STAU2: variants seen among roughly 807,000 people sequenced by gnomAD.
The protein encoded by STAU2 is staufen double-stranded RNA binding protein 2.
STAU2 carries 20 observed loss-of-function variants against 65.9 expected under a neutral mutation model. The ratio of observed to expected loss-of-function variants is 0.30; its 90% CI spans 0.21 to 0.44. The LOEUF (loss-of-function observed/expected upper bound fraction) is 0.44, where lower values mean the gene tolerates loss of function less well. Ranked by LOEUF, STAU2 falls within the 20% of genes least tolerant of loss-of-function variation. The pLI, the probability that STAU2 is intolerant of heterozygous loss-of-function variation, is 1.00. For missense variants in STAU2, 558 were observed against 683.9 expected (o/e 0.82, Z 2.05); for synonymous variants, 232 against 233.9 (o/e 0.99, Z 0.07).
chr8:73,686,763 T>C (rs1036773891), intron 5 of STAU2, among the ~76,000 whole-genome samples: 8 of 152,030 alleles, frequency 5.3e-5, no homozygotes, highest in African/African-American at 1.4e-4. Context: ...TGACATATAA[T>C]GTTGTTCGTA....
chr8:73,497,317 A>G (rs574606409), intron 13 of STAU2, among the ~76,000 whole-genome samples: 20 of 151,900 alleles, frequency 1.3e-4, no homozygotes, highest in Non-Finnish European at 2.7e-4. Flanking sequence ...AAATGAATAA[A>G]CATCCAAAAT....
At chr8:73,554,807 T>C (rs1807595627) in intron 12 of STAU2, among the ~76,000 whole-genome samples, 1 of 152,194 alleles carries the variant, frequency 6.6e-6, no homozygotes, top group Admixed American at 6.5e-5. Flanking sequence ...CTCCTTAGGA[T>C]AACCTAGGAA....
intron 13 of STAU2, among the ~76,000 whole-genome samples, chr8:73,450,343 A>G (rs1446084067): frequency 1.3e-5 from 2 of 152,186 alleles, no homozygotes; most frequent in Non-Finnish European, 2.9e-5. Flanking sequence ...TATGTAGTTT[A>G]AAACTATTCT....
chr8:73,517,453 C>G (rs1585916068), intron 13 of STAU2, among the ~76,000 whole-genome samples: 1 of 117,284 alleles, frequency 8.5e-6, no homozygotes, highest in Non-Finnish European at 1.9e-5. Context: ...AATAAAGGAA[C>G]TACTGATAAG....
At chr8:73,505,170 T>C (rs1211376201) in intron 13 of STAU2, among the ~76,000 whole-genome samples, 1 of 152,140 alleles carries the variant, frequency 6.6e-6, no homozygotes, top group Non-Finnish European at 1.5e-5. Flanking sequence ...TGGGCTCTCC[T>C]TTTGAGCCAG....
At chr8:73,696,724 C>A (rs985290183) in intron 4 of STAU2, among the ~76,000 whole-genome samples, 3 of 152,034 alleles carry the variant, frequency 2.0e-5, no homozygotes, top group African/African-American at 7.2e-5. Context: ...CAATGAGGCA[C>A]ACCAAAAACA....
intron 6 of STAU2, among the ~76,000 whole-genome samples, chr8:73,654,660 A>AAAAAAAAAAAAAAAAAAAAAAC (rs1176341683): frequency 7.1e-6 from 1 of 141,470 alleles, no homozygotes; most frequent in African/African-American, 2.5e-5. Context: ...AAAAAAAAAA[A>AAAAAAAAAAAAAAAAAAAAAAC]AGAACTCTTT....
intron 11 of STAU2, among the ~76,000 whole-genome samples, chr8:73,587,122 A>T (rs1479321911): frequency 6.6e-6 from 1 of 152,178 alleles, no homozygotes; most frequent in Non-Finnish European, 1.5e-5. Context: ...AGGCTGAAGA[A>T]TCAGGTGTTG....
chr8:73,437,301 C>A (rs1166005530), intron 13 of STAU2, among the ~76,000 whole-genome samples: 2 of 152,172 alleles, frequency 1.3e-5, no homozygotes, highest in Non-Finnish European at 2.9e-5. Context: ...CCAATCTAAT[C>A]ACACAAGTGC....
chr8:73,576,036 A>C (rs759992561), intron 12 of STAU2, among the ~76,000 whole-genome samples: 1 of 152,174 alleles, frequency 6.6e-6, no homozygotes, highest in Non-Finnish European at 1.5e-5. Context: ...AAAAACGATA[A>C]AAGATTTCTA....
chr8:73,656,506 A>T (rs1416762717), intron 6 of STAU2, among the ~76,000 whole-genome samples: 1 of 152,266 alleles, frequency 6.6e-6, no homozygotes, highest in African/African-American at 2.4e-5. Context: ...CCAAAACAGT[A>T]TTACTATGAC....
chr8:73,638,550 A>G (rs1814725432), intron 6 of STAU2, among the ~76,000 whole-genome samples: 2 of 150,690 alleles, frequency 1.3e-5, no homozygotes, highest in Admixed American at 1.3e-4. Context: ...CTTCAAATAT[A>G]ATTGCAATTT....
chr8:73,666,894 G>A (rs1449680748), intron 6 of STAU2, among the ~76,000 whole-genome samples: 1 of 152,070 alleles, frequency 6.6e-6, no homozygotes, highest in East Asian at 1.9e-4. Flanking sequence ...CTCTTGCCAC[G>A]TCTACTTCCA....
At chr8:73,664,448 A>C (rs1288979422) in intron 6 of STAU2, among the ~76,000 whole-genome samples, 1 of 152,192 alleles carries the variant, frequency 6.6e-6, no homozygotes, top group Non-Finnish European at 1.5e-5. Context: ...GAAGCCCTTT[A>C]TCAGATTAAG....
At chr8:73,624,225 C>T (rs1813477135) in intron 6 of STAU2, among the ~76,000 whole-genome samples, 1 of 152,062 alleles carries the variant, frequency 6.6e-6, no homozygotes, top group African/African-American at 2.4e-5. Context: ...ATTTGATAAA[C>T]TAGTGGAATG....
At chr8:73,711,323 C>T (rs986413091) in intron 3 of STAU2, among the ~76,000 whole-genome samples, 6 of 151,950 alleles carry the variant, frequency 3.9e-5, no homozygotes, top group African/African-American at 9.7e-5. Flanking sequence ...TAACCTGAGA[C>T]GATAATCAGT....
chr8:73,474,217 C>T (rs927482190), intron 13 of STAU2, among the ~76,000 whole-genome samples: 1 of 152,146 alleles, frequency 6.6e-6, no homozygotes, highest in Non-Finnish European at 1.5e-5. Flanking sequence ...AATGGTTAGG[C>T]CTTTAGCAAG....
chr8:73,549,158 T>TTATAA (rs1337726627), intron 13 of STAU2, among the ~76,000 whole-genome samples: 5 of 152,188 alleles, frequency 3.3e-5, no homozygotes, highest in African/African-American at 9.6e-5. Flanking sequence ...ACTACAACTT[T>TTATAA]GAATGAGTTC....
chr8:73,668,651 A>C (rs1817417605), intron 6 of STAU2, among the ~76,000 whole-genome samples: 2 of 152,154 alleles, frequency 1.3e-5, no homozygotes, highest in Admixed American at 6.5e-5. Flanking sequence ...GCTTCATAAT[A>C]TATCTGTTAG....
Sources: gnomAD v4.1 joint callset for allele counts (sites outside exome capture counted in the v4.1 genomes callset) on GRCh38, gnomAD v4.1.1 for gene constraint, MANE v1.5 for transcripts, NCBI Gene and HGNC (gene_info 2026-07-23, HGNC 2026-07-21) for gene names.